Variants in NKAIN1 observed in about 807,000 individuals in gnomAD.
NKAIN1 encodes the protein sodium/potassium transporting ATPase interacting 1.
In NKAIN1, 13 loss-of-function variants were observed where a neutral mutation model predicts 31.6. The ratio of observed to expected loss-of-function variants is 0.41; its 90% CI spans 0.27 to 0.65. The LOEUF is 0.65. Ranked by LOEUF, NKAIN1 falls within the 30% of genes least tolerant of loss-of-function variation. NKAIN1 has a pLI of 0.30. For synonymous variants in NKAIN1, 104 were observed against 109.0 expected, an observed-to-expected ratio of 0.95 and a Z score of 0.28; for missense variants, 193 against 262.2, an observed-to-expected ratio of 0.74 and a Z score of 1.82.
intron 1 of NKAIN1, among the ~76,000 whole-genome samples, chr1:31,216,234 G>A (rs924391385): frequency 1.1e-4 from 16 of 152,094 alleles, no homozygotes; most frequent in African/African-American, 3.1e-4. Context: ...AGCAATTGCC[G>A]TCTGCACGTG....
chr1:31,219,701 G>T (rs905764139), intron 1 of NKAIN1, among the ~76,000 whole-genome samples: 1 of 152,194 alleles, frequency 6.6e-6, no homozygotes, highest in East Asian at 1.9e-4. Context: ...CCAAAGGAAG[G>T]TCTCAGGCCA....
At chr1:31,207,118 C>G (rs1645431089) in intron 1 of NKAIN1, among the ~76,000 whole-genome samples, 1 of 152,120 alleles carries the variant, frequency 6.6e-6, no homozygotes, top group African/African-American at 2.4e-5. Context: ...GGTTTCATAC[C>G]AAGATCAGAT....
intron 1 of NKAIN1, among the ~76,000 whole-genome samples, chr1:31,205,613 G>GTTT (rs761138403): frequency 0.026 from 2,505 of 96,386 alleles, 106 homozygotes; most frequent in Non-Finnish European, 0.035. Flanking sequence ...AGCCGGACAA[G>GTTT]TTTTTTTTTT....
intron 1 of NKAIN1, among the ~76,000 whole-genome samples, chr1:31,193,061 TTA>T (rs869233134): frequency 2.6e-4 from 23 of 89,428 alleles, no homozygotes; most frequent in South Asian, 1.8e-3. Flanking sequence ...ATTTTATTAT[TTA>T]TTTTTTTATT....
At chr1:31,194,500 G>A (rs758571680) in intron 1 of NKAIN1, among the ~76,000 whole-genome samples, 24 of 138,426 alleles carry the variant, frequency 1.7e-4, no homozygotes, top group Non-Finnish European at 3.2e-4. Context: ...TCCGCCTCCC[G>A]GGTTCAAGTG....
At chr1:31,217,851 G>A (rs1194461355) in intron 1 of NKAIN1, among the ~76,000 whole-genome samples, 1 of 151,974 alleles carries the variant, frequency 6.6e-6, no homozygotes, top group Non-Finnish European at 1.5e-5. Context: ...ATAAACAAAG[G>A]GCTGCAGGGA....
rs1402795700 is a variant in NKAIN1, at chr1:31,181,945, C to A, written c.533-4G>T. On this transcript the variant is annotated splice_region_variant and splice_polypyrimidine_tract_variant and intron_variant, in intron 5 of 6. Transcript: ENST00000373736. ...TCAAAGCCGCCGATGAAGTCAACTG[C>A]GGAAGAGGGGCGGCGCATGTTAGGG... The A allele has an allele frequency of 1.2e-6, 2 of 1,605,144 alleles. No homozygotes were observed. The highest frequency in any genetic ancestry group is 1.1e-5 in the South Asian group (1 of 89,314).
intron 3 of NKAIN1, among the ~76,000 whole-genome samples, chr1:31,184,535 C>T (rs1010610089): frequency 2.0e-5 from 3 of 152,092 alleles, no homozygotes; most frequent in Admixed American, 1.3e-4. Flanking sequence ...TATTTTATCC[C>T]CTCAGCAACC....
At chr1:31,211,767 T>C (rs1645471520) in intron 1 of NKAIN1, among the ~76,000 whole-genome samples, 1 of 151,962 alleles carries the variant, frequency 6.6e-6, no homozygotes. Context: ...ATAGTGAAAT[T>C]TCGTCTCTAC....
rs528742390 is a variant in NKAIN1 at position 31,200,502 on chromosome 1, T to C, written c.55-12315A>G. 3.4e-5 allele frequency among the ~76,000 whole-genome samples: 5 copies of C among 147,088 alleles called. No homozygotes were observed. The South Asian group carries it at 8.8e-4, about 26-fold the overall frequency. ...TGAGACAGGGTCTTGCTGTTGTTCA[T>C]GCTGGAGTGCAGTGGCATGATCCGG... On this transcript the variant is annotated intron_variant, in intron 1 of 6. Coordinates refer to ENST00000373736, the MANE Select transcript of NKAIN1 (RefSeq NM_024522.3).
intron 1 of NKAIN1, among the ~76,000 whole-genome samples, chr1:31,192,169 C>T (rs1645290706): frequency 6.6e-6 from 1 of 152,184 alleles, no homozygotes; most frequent in African/African-American, 2.4e-5. Context: ...CCCACAGGTG[C>T]TGCTCTCTCC....
chr1:31,231,086 G>A (rs1040958797), intron 1 of NKAIN1, among the ~76,000 whole-genome samples: 9 of 151,798 alleles, frequency 5.9e-5, no homozygotes, highest in Non-Finnish European at 1.3e-4. Context: ...GTTTCACCAC[G>A]TTGGCCAGGC....
intron 1 of NKAIN1, among the ~76,000 whole-genome samples, chr1:31,188,557 A>G (rs375245952): frequency 6.6e-6 from 1 of 152,132 alleles, no homozygotes; most frequent in African/African-American, 2.4e-5. Context: ...ACCTCTTCCA[A>G]GGATCCCCAT....
At chr1:31,231,944 G>T (rs1186025311) in intron 1 of NKAIN1, among the ~76,000 whole-genome samples, 3 of 149,966 alleles carry the variant, frequency 2.0e-5, no homozygotes, top group Admixed American at 1.3e-4. Context: ...TTTGAGACAG[G>T]ATCTCACTGT....
intron 1 of NKAIN1, among the ~76,000 whole-genome samples, chr1:31,193,448 G>A (rs1645301788): frequency 6.6e-6 from 1 of 151,768 alleles, no homozygotes; most frequent in Admixed American, 6.6e-5. Flanking sequence ...TGTAATACCA[G>A]CACTTTGGGA....
At chr1:31,228,311 T>C (rs1645623026) in intron 1 of NKAIN1, among the ~76,000 whole-genome samples, 1 of 152,170 alleles carries the variant, frequency 6.6e-6, no homozygotes, top group South Asian at 2.1e-4. Flanking sequence ...ATTTTTGTCC[T>C]TCTAGGGCAA....
intron 1 of NKAIN1, among the ~76,000 whole-genome samples, chr1:31,231,529 T>TTGTTGG (rs1199734111): frequency 6.6e-6 from 1 of 151,548 alleles, no homozygotes; most frequent in Non-Finnish European, 1.5e-5. Context: ...TTGTTTGTTG[T>TTGTTGG]TGTTGTTGTT....
At chr1:31,186,012 G>A (rs1173611672) in intron 2 of NKAIN1, among the ~76,000 whole-genome samples, 1 of 151,188 alleles carries the variant, frequency 6.6e-6, no homozygotes, top group Non-Finnish European at 1.5e-5. Context: ...CAGATCATTT[G>A]AGCTCAGGAG....
intron 1 of NKAIN1, among the ~76,000 whole-genome samples, chr1:31,225,080 T>A (rs947211613): frequency 6.8e-6 from 1 of 147,784 alleles, no homozygotes; most frequent in Non-Finnish European, 1.5e-5. Context: ...CAGGCTGGAG[T>A]GCAGTGGCAC....
Sources: gnomAD v4.1 joint callset for allele counts (sites outside exome capture counted in the v4.1 genomes callset) on GRCh38, gnomAD v4.1.1 for gene constraint, MANE v1.5 for transcripts, NCBI Gene and HGNC (gene_info 2026-07-23, HGNC 2026-07-21) for gene names.